Variants in PRUNE2 observed in about 807,000 individuals in gnomAD.
The protein encoded by PRUNE2 is protein prune homolog 2.
In PRUNE2, 164 loss-of-function variants were observed where a neutral mutation model predicts 252.0. The ratio of observed to expected loss-of-function variants is 0.65; its 90% CI spans 0.57 to 0.74. The LOEUF is 0.74. Among genes scored for constraint, PRUNE2 ranks in the 30% least tolerant of loss-of-function variants. The pLI is 0.00. For synonymous variants in PRUNE2, 1,292 were observed against 1,350.2 expected (o/e 0.96, Z 0.94); for missense variants, 3,495 against 3,711.0 (o/e 0.94, Z 1.51).
chr9:76,855,052 A>T (rs1488267438), intron 1 of PRUNE2, among the ~76,000 whole-genome samples: 4 of 135,850 alleles, frequency 2.9e-5, no homozygotes, highest in African/African-American at 1.1e-4. Flanking sequence ...GCCACAGAGC[A>T]AGACTCCATC....
At chr9:76,735,463 C>G (rs1248495857) in intron 6 of PRUNE2, among the ~76,000 whole-genome samples, 1 of 149,456 alleles carries the variant, frequency 6.7e-6, no homozygotes, top group African/African-American at 2.5e-5. Flanking sequence ...TAGCAGCTAG[C>G]CCCGTAGTGG....
chr9:76,705,869 A>G lies in PRUNE2; in HGVS notation c.6405T>C (p.Cys2135=). The G allele has an allele frequency of 3.1e-6, 5 of 1,613,642 alleles. No homozygotes were observed. The highest frequency in any genetic ancestry group is 4.2e-6 in the Non-Finnish European group (5 of 1,179,814). Residue 2135 remains cysteine (C), a synonymous_variant, in exon 8 of 19, where the codon TGT becomes TGC. Transcript: ENST00000376718. ...MGPEVESSEL[C]LTEPEIDEEP... Reference sequence around the variant, plus strand: ...CTTCATCTATCTCTGGCTCAGTGAGACAAAGCTCACTGGATTCCACTTCAG... The same window carrying G: ...CTTCATCTATCTCTGGCTCAGTGAGGCAAAGCTCACTGGATTCCACTTCAG...
At chr9:76,879,748 A>G (rs1389239259) in intron 1 of PRUNE2, among the ~76,000 whole-genome samples, 1 of 151,488 alleles carries the variant, frequency 6.6e-6, no homozygotes, top group Non-Finnish European at 1.5e-5. Context: ...AAGCATTCTC[A>G]GCAAAGGGTA....
intron 5 of PRUNE2, among the ~76,000 whole-genome samples, chr9:76,824,273 G>A (rs369859572): frequency 1.3e-5 from 2 of 152,154 alleles, no homozygotes; most frequent in Non-Finnish European, 2.9e-5. Context: ...AGCAGACAAA[G>A]GCAGGGAATA....
chr9:76,843,220 G>A (rs1430066854), intron 4 of PRUNE2, among the ~76,000 whole-genome samples: 7 of 152,066 alleles, frequency 4.6e-5, no homozygotes, highest in African/African-American at 1.4e-4. Context: ...AAACTAACAC[G>A]GGAACAGAAA....
rs576509213 is a variant in PRUNE2, at chr9:76,754,090, C to G, written c.757-40369G>C. ...AACTCAAGTTTTATGACTTAATAATCTGGAATTTTTTCCAATGCGTGTTAT... is the reference window on the plus strand; with the variant it reads ...AACTCAAGTTTTATGACTTAATAATGTGGAATTTTTTCCAATGCGTGTTAT... On this transcript the variant is annotated intron_variant, in intron 6 of 18. Transcript: ENST00000376718. Among the ~76,000 whole-genome samples, 10 of 152,176 alleles carry G rather than the reference C, an allele frequency of 6.6e-5. No homozygotes were observed. The South Asian group carries it at 1.7e-3, about 25-fold the overall frequency.
intron 6 of PRUNE2, among the ~76,000 whole-genome samples, chr9:76,775,841 T>A (rs2053673515): frequency 6.6e-6 from 1 of 152,198 alleles, no homozygotes; most frequent in African/African-American, 2.4e-5. Context: ...TAACACATCC[T>A]TCTCTAGCCT....
At position 76,614,333 on chromosome 9, in the gene PRUNE2, C is replaced by T. The variant is rs1169646898; in HGVS notation, c.*237G>A. 1.8e-6 allele frequency: 1 copy of T among 565,770 alleles called. No individual in the cohort carries two copies. Among genetic ancestry groups the T allele is most frequent in the Non-Finnish European group, 3.1e-6 (1 of 322,040 alleles). 35.0% of individuals were successfully genotyped at this position (565,770 alleles called of 1,614,324 possible). ...GTATTGAAATGGAAGGTCCTACTTT[C>T]TTGCTAAGGCTCAACTAAAATCTTT... On this transcript the variant is annotated 3_prime_UTR_variant, in exon 19 of 19. Transcript: ENST00000376718.
At chr9:76,649,643 T>A (rs112872075) in intron 11 of PRUNE2, among the ~76,000 whole-genome samples, 8 of 150,754 alleles carry the variant, frequency 5.3e-5, no homozygotes, top group African/African-American at 1.7e-4. Flanking sequence ...GATAGATAGA[T>A]AGAATAGGCT....
chr9:76,819,103 T>C (rs751308231), intron 6 of PRUNE2, among the ~76,000 whole-genome samples: 2 of 151,782 alleles, frequency 1.3e-5, no homozygotes, highest in Non-Finnish European at 2.9e-5. Flanking sequence ...ATGCAAAAAT[T>C]AGCTAGGTGT....
chr9:76,753,605 G>C (rs916041520), intron 6 of PRUNE2, among the ~76,000 whole-genome samples: 1 of 152,020 alleles, frequency 6.6e-6, no homozygotes, highest in East Asian at 1.9e-4. Flanking sequence ...CTGAGATTCT[G>C]GTCCAGATAA....
chr9:76,650,768 G>A (rs1395537754), intron 11 of PRUNE2, among the ~76,000 whole-genome samples: 3 of 152,228 alleles, frequency 2.0e-5, no homozygotes, highest in African/African-American at 4.8e-5. Context: ...AAAGAGCCAT[G>A]TCAGCAAGTG....
intron 6 of PRUNE2, among the ~76,000 whole-genome samples, chr9:76,781,888 A>C (rs2054444404): frequency 6.6e-6 from 1 of 152,178 alleles, no homozygotes; most frequent in Non-Finnish European, 1.5e-5. Flanking sequence ...GTCAGAATAC[A>C]GGTAGGCAAG....
chr9:76,742,361 C>T (rs1029180580), intron 6 of PRUNE2, among the ~76,000 whole-genome samples: 2 of 152,048 alleles, frequency 1.3e-5, no homozygotes, highest in Non-Finnish European at 2.9e-5. Context: ...TGTCTGTTAT[C>T]CCAACACTTT....
At chr9:76,796,114 CAA>C (rs576778240) in intron 6 of PRUNE2, among the ~76,000 whole-genome samples, 103 of 152,266 alleles carry the variant, frequency 6.8e-4, no homozygotes, top group African/African-American at 2.4e-3. Context: ...CTTTTCTTTA[CAA>C]AAGATATATG....
intron 1 of PRUNE2, among the ~76,000 whole-genome samples, chr9:76,896,889 T>C (rs2062854724): frequency 6.6e-6 from 1 of 152,238 alleles, no homozygotes; most frequent in Non-Finnish European, 1.5e-5. Flanking sequence ...CTTTTAAAAA[T>C]GCATTCTTGT....
At chr9:76,686,258 C>G (rs1000358425) in intron 9 of PRUNE2, among the ~76,000 whole-genome samples, 13 of 152,140 alleles carry the variant, frequency 8.5e-5, no homozygotes, top group African/African-American at 2.9e-4. Flanking sequence ...ATGACTCTGT[C>G]TTATACATCA....
chr9:76,892,579 A>C (rs1306581931), intron 1 of PRUNE2, among the ~76,000 whole-genome samples: 2 of 152,226 alleles, frequency 1.3e-5, no homozygotes, highest in South Asian at 4.1e-4. Flanking sequence ...TCCATTATTT[A>C]AGATGTTGAT....
chr9:76,623,298 A>ATTT lies in PRUNE2; in HGVS notation c.9188+1151_9188+1153dup, dbSNP rs756782306. Among the ~76,000 whole-genome samples the ATTT allele has an allele frequency of 2.4e-4, 34 of 144,136 alleles. 1 individual carries two copies. Among genetic ancestry groups the ATTT allele is most frequent in the Non-Finnish European group, 4.4e-4 (29 of 65,428 alleles). 94.6% of individuals were successfully genotyped at this position (144,136 alleles called of 152,430 possible). A position where few individuals can be genotyped will look rare whatever the true frequency, so the allele number is the denominator to read the frequency against. On this transcript the variant is annotated intron_variant, in intron 17 of 18. Transcript: ENST00000376718. ...GGAAACGAGAAAAGAGAATGACTGG[A>ATTT]TTTTTTTTTTTTTTTGAGATGGAGT...
Sources: allele counts gnomAD v4.1 joint callset (sites outside exome capture counted in the v4.1 genomes callset), GRCh38; gene constraint gnomAD v4.1.1; transcripts MANE v1.5; gene names NCBI Gene and HGNC (gene_info 2026-07-23, HGNC 2026-07-21).